SLC8A1: variants seen among roughly 807,000 people sequenced by gnomAD.
SLC8A1 encodes solute carrier family 8 member A1.
Under a neutral mutation model 68.3 loss-of-function variants are expected in SLC8A1, and 18 were observed. That is an observed-to-expected ratio of 0.26 (90% CI 0.18 to 0.39). The LOEUF is 0.39. Among genes scored for constraint, SLC8A1 ranks in the 10% least tolerant of loss-of-function variants. The pLI, the probability that SLC8A1 is intolerant of heterozygous loss-of-function variation, is 1.00. For missense variants in SLC8A1, 985 were observed against 1,156.7 expected (o/e 0.85, Z 2.15); for synonymous variants, 475 against 415.5 (o/e 1.14, Z -1.74).
At chr2:40,431,181 C>CAAGGCCT (rs1329773196) in intron 1 of SLC8A1, among the ~76,000 whole-genome samples, 7 of 151,778 alleles carry the variant, frequency 4.6e-5, no homozygotes, top group Non-Finnish European at 1.0e-4. Flanking sequence ...ATAAACAGGC[C>CAAGGCCT]AAGGCCTAGT....
chr2:40,207,369 C>G (rs1558754078), intron 2 of SLC8A1, among the ~76,000 whole-genome samples: 1 of 151,940 alleles, frequency 6.6e-6, no homozygotes, highest in Non-Finnish European at 1.5e-5. Context: ...GGGAGAATGA[C>G]AAAGATACTG....
chr2:40,149,075 G>T lies in SLC8A1; in HGVS notation c.2162-9399C>A, dbSNP rs141963869. On this transcript the variant is annotated intron_variant, in intron 6 of 7. Coordinates refer to ENST00000406785, the Ensembl canonical transcript of SLC8A1. ...GGCCTATCTTTTTTATTTGGTCAAG[G>T]CCTGGTGCATATTCTATTAAGTCTG... Among the ~76,000 whole-genome samples the T allele has an allele frequency of 3.1e-3, 475 of 152,216 alleles. 4 individuals are homozygous for T. Among genetic ancestry groups the T allele is most frequent in the Middle Eastern group, 6.8e-3 (2 of 294 alleles).
chr2:40,467,763 C>T (rs114051560), intron 1 of SLC8A1, among the ~76,000 whole-genome samples: 1,597 of 152,234 alleles, frequency 0.01, 17 homozygotes, highest in South Asian at 0.027. Context: ...AACACTTTTG[C>T]ATTCACTAGT....
intron 2 of SLC8A1, among the ~76,000 whole-genome samples, chr2:40,322,434 G>C (rs1260947830): frequency 6.7e-6 from 1 of 150,068 alleles, no homozygotes; most frequent in Non-Finnish European, 1.5e-5. Context: ...ATGGTAGGAG[G>C]ATTGCTTGAG....
chr2:40,258,755 T>A (rs539542326), intron 2 of SLC8A1, among the ~76,000 whole-genome samples: 2 of 151,912 alleles, frequency 1.3e-5, no homozygotes, highest in East Asian at 3.9e-4. Flanking sequence ...CGCAGGAGAA[T>A]CACTTGAACC....
chr2:40,271,459 C>G (rs994194362), intron 2 of SLC8A1, among the ~76,000 whole-genome samples: 1 of 152,188 alleles, frequency 6.6e-6, no homozygotes, highest in Non-Finnish European at 1.5e-5. Context: ...TCTCTGACCA[C>G]GCTCACTAAA....
intron 2 of SLC8A1, among the ~76,000 whole-genome samples, chr2:40,418,057 A>G (rs1694403065): frequency 6.6e-6 from 1 of 152,128 alleles, no homozygotes; most frequent in Non-Finnish European, 1.5e-5. Flanking sequence ...ATAGTTTACA[A>G]TAGCTATAGA....
At chr2:40,139,032 T>C (rs1319893277) in intron 7 of SLC8A1, among the ~76,000 whole-genome samples, 1 of 152,224 alleles carries the variant, frequency 6.6e-6, no homozygotes, top group East Asian at 1.9e-4. Flanking sequence ...GTACCAAGTA[T>C]ATAAAAGACA....
intron 2 of SLC8A1, among the ~76,000 whole-genome samples, chr2:40,370,426 T>A (rs145466374): frequency 2.0e-4 from 30 of 152,226 alleles, no homozygotes; most frequent in Non-Finnish European, 4.1e-4. Flanking sequence ...TTCCCCTTCA[T>A]CTTGCCTCAG....
intron 2 of SLC8A1, among the ~76,000 whole-genome samples, chr2:40,323,505 C>G (rs2075453441): frequency 6.6e-6 from 1 of 152,104 alleles, no homozygotes; most frequent in South Asian, 2.1e-4. Context: ...CTTGCCCATC[C>G]TAACTTCTTT....
At chr2:40,453,450 C>A (rs899749073), upstream of SLC8A1, 1 of 152,148 alleles carries the variant, frequency 6.6e-6, no homozygotes, top group African/African-American at 2.4e-5. Flanking sequence ...GATTCTGACT[C>A]CAGGAACCTC....
intron 2 of SLC8A1, among the ~76,000 whole-genome samples, chr2:40,258,725 C>G (rs914412985): frequency 1.3e-5 from 2 of 152,012 alleles, no homozygotes; most frequent in African/African-American, 4.8e-5. Flanking sequence ...ACCTGTAACC[C>G]TAGCTACATG....
At chr2:40,410,614 CATG>C (rs1273267491) in intron 2 of SLC8A1, among the ~76,000 whole-genome samples, 5 of 151,958 alleles carry the variant, frequency 3.3e-5, no homozygotes, top group Admixed American at 6.6e-5. Flanking sequence ...ACATGTATAA[CATG>C]ATATTTTGAA....
chr2:40,267,760 T>A (rs747999166), intron 2 of SLC8A1, among the ~76,000 whole-genome samples: 1 of 152,228 alleles, frequency 6.6e-6, no homozygotes, highest in Non-Finnish European at 1.5e-5. Context: ...ACAAGGTAGA[T>A]ATTATTTTCC....
chr2:40,113,220 G>A (rs2034789396), exon 8 of SLC8A1: 1 of 152,368 alleles, frequency 6.6e-6, no homozygotes. Flanking sequence ...GTTACTGAGT[G>A]ACAGAAGAAA....
At chr2:40,461,512 G>GA (rs901611974) in intron 1 of SLC8A1, among the ~76,000 whole-genome samples, 2 of 152,172 alleles carry the variant, frequency 1.3e-5, no homozygotes, top group African/African-American at 4.8e-5. Flanking sequence ...AGGAGGAGGT[G>GA]AAAAAACCCT....
intron 5 of SLC8A1, among the ~76,000 whole-genome samples, chr2:40,164,244 T>G (rs2046171796): frequency 1.3e-5 from 2 of 152,158 alleles, no homozygotes; most frequent in Non-Finnish European, 2.9e-5. Context: ...ACATTCAACT[T>G]CTGCAAAAAT....
At chr2:40,262,320 ATGAG>A (rs1368678099) in intron 2 of SLC8A1, among the ~76,000 whole-genome samples, 1 of 152,220 alleles carries the variant, frequency 6.6e-6, no homozygotes, top group Admixed American at 6.5e-5. Context: ...GCAAGAAACA[ATGAG>A]TAAGTAGTTT....
intron 1 of SLC8A1, among the ~76,000 whole-genome samples, chr2:40,447,657 C>A (rs72798677): frequency 9.9e-5 from 15 of 151,162 alleles, no homozygotes; most frequent in African/African-American, 3.6e-4. Context: ...AGCTCCTTCT[C>A]GGATAATATT....
Sources: gnomAD v4.1 joint callset for allele counts (sites outside exome capture counted in the v4.1 genomes callset) on GRCh38, gnomAD v4.1.1 for gene constraint, MANE v1.5 for transcripts, NCBI Gene and HGNC (gene_info 2026-07-23, HGNC 2026-07-21) for gene names.